The following GRM5 variants were observed in gnomAD, a reference collection of about 807,000 sequenced individuals.
GRM5 encodes the protein glutamate metabotropic receptor 5, also known as metabotropic glutamate receptor 5.
In GRM5, 19 loss-of-function variants were observed where a neutral mutation model predicts 83.1. The ratio of observed to expected loss-of-function variants is 0.23; its 90% CI spans 0.16 to 0.34. The LOEUF is 0.34. GRM5 is among the 10% of genes least tolerant of loss of function. GRM5 has a pLI of 1.00. For missense variants in GRM5, 1,160 were observed against 1,588.3 expected (o/e 0.73, Z 4.58); for synonymous variants, 675 against 633.6 (o/e 1.07, Z -0.98).
intron 3 of GRM5, among the ~76,000 whole-genome samples, chr11:88,734,384 T>G (rs1941868017): frequency 6.6e-6 from 1 of 151,996 alleles, no homozygotes; most frequent in Admixed American, 6.6e-5. Flanking sequence ...TTGGGAGGAA[T>G]GTAAAATGGT....
chr11:88,880,456 G>A (rs1440316360), intron 2 of GRM5, among the ~76,000 whole-genome samples: 1 of 151,958 alleles, frequency 6.6e-6, no homozygotes, highest in Non-Finnish European at 1.5e-5. Flanking sequence ...CCCCAAATTG[G>A]CATAGTTCTA....
At position 88,845,198 on chromosome 11, in the gene GRM5, T is replaced by C. The variant is rs557920156; in HGVS notation, c.911+4708A>G. Among the ~76,000 whole-genome samples, 171 of 152,174 alleles carry C rather than the reference T, an allele frequency of 1.1e-3. 1 individual carries two copies. Among genetic ancestry groups the C allele is most frequent in the African/African-American group, 3.8e-3 (158 of 41,524 alleles). The stretch of plus-strand genomic sequence containing the variant: ...TTCATTGTTGTCTTATTTTAAGAAA[T>C]TGCCACAGCCACTGCCACCTTCAGC... On this transcript the variant is annotated intron_variant, in intron 3 of 9. Coordinates refer to ENST00000305447, the MANE Select transcript of GRM5 (RefSeq NM_001143831.3).
chr11:88,808,917 T>C (rs1943542179), intron 3 of GRM5, among the ~76,000 whole-genome samples: 1 of 152,040 alleles, frequency 6.6e-6, no homozygotes, highest in Non-Finnish European at 1.5e-5. Context: ...AAATAATTGT[T>C]TGGCATTTAT....
At chr11:88,987,502 C>T (rs1208815232) in intron 2 of GRM5, among the ~76,000 whole-genome samples, 1 of 151,900 alleles carries the variant, frequency 6.6e-6, no homozygotes, top group Admixed American at 6.6e-5. Flanking sequence ...CTGGGTGGAG[C>T]CCACCACAGC....
intron 2 of GRM5, among the ~76,000 whole-genome samples, chr11:89,022,259 A>C (rs1421636181): frequency 6.6e-6 from 1 of 152,186 alleles, no homozygotes; most frequent in Admixed American, 6.5e-5. Context: ...CTATTTTGAT[A>C]TTATAGAACT....
intron 2 of GRM5, among the ~76,000 whole-genome samples, chr11:88,941,556 G>C (rs1242614870): frequency 1.1e-5 from 1 of 91,226 alleles, no homozygotes. Context: ...AGAGGAGGAG[G>C]AGGAGAGGAG....
At chr11:89,054,969 A>G (rs1201049979) in intron 1 of GRM5, among the ~76,000 whole-genome samples, 1 of 152,180 alleles carries the variant, frequency 6.6e-6, no homozygotes, top group Non-Finnish European at 1.5e-5. Context: ...AATCATTAGT[A>G]TTTTTAATTT....
At chr11:88,759,923 C>T (rs1177139068) in intron 3 of GRM5, among the ~76,000 whole-genome samples, 5 of 152,066 alleles carry the variant, frequency 3.3e-5, no homozygotes, top group African/African-American at 1.2e-4. Context: ...CTAAGAAATG[C>T]ACTCAAAACC....
intron 3 of GRM5, among the ~76,000 whole-genome samples, chr11:88,831,159 C>T (rs547290265): frequency 4.3e-4 from 65 of 152,192 alleles, no homozygotes; most frequent in Non-Finnish European, 8.1e-4. Context: ...CCAGTCACCA[C>T]CAGTCTGTAT....
At chr11:88,527,099 A>G (rs549270994) in intron 8 of GRM5, among the ~76,000 whole-genome samples, 41 of 152,306 alleles carry the variant, frequency 2.7e-4, no homozygotes, top group African/African-American at 9.9e-4. Context: ...CCAATGGCCA[A>G]ATGATGCTCA....
intron 2 of GRM5, among the ~76,000 whole-genome samples, chr11:88,987,156 C>T (rs370563037): frequency 3.2e-4 from 48 of 152,108 alleles, no homozygotes; most frequent in African/African-American, 1.1e-3. Context: ...GTGCGCGCAC[C>T]GTGCACAAGC....
intron 8 of GRM5, among the ~76,000 whole-genome samples, chr11:88,526,927 A>C (rs1941892398): frequency 1.3e-5 from 2 of 152,180 alleles, no homozygotes; most frequent in Non-Finnish European, 2.9e-5. Context: ...TTTACCTAAC[A>C]GTAGGAGAAG....
chr11:89,006,923 G>A (rs1305487271), intron 2 of GRM5, among the ~76,000 whole-genome samples: 2 of 152,076 alleles, frequency 1.3e-5, no homozygotes, highest in Admixed American at 1.3e-4. Context: ...CAAGCCTCCT[G>A]AGTAGCTGGG....
At chr11:88,523,148 A>G (rs140318390) in intron 9 of GRM5, among the ~76,000 whole-genome samples, 3 of 152,334 alleles carry the variant, frequency 2.0e-5, no homozygotes, top group Non-Finnish European at 2.9e-5. Flanking sequence ...AATGCTTGCC[A>G]CAAACAGCTC....
At chr11:88,609,696 T>C (rs1435287938) in intron 4 of GRM5, among the ~76,000 whole-genome samples, 1 of 152,230 alleles carries the variant, frequency 6.6e-6, no homozygotes. Flanking sequence ...CTGTTTACTC[T>C]GCTGATAGTT....
intron 2 of GRM5, among the ~76,000 whole-genome samples, chr11:89,036,033 T>G (rs1249812065): frequency 6.6e-6 from 1 of 152,066 alleles, no homozygotes; most frequent in Non-Finnish European, 1.5e-5. Context: ...ACTATAAAAT[T>G]TGCTTATGCT....
chr11:88,879,213 T>C (rs117543918), intron 2 of GRM5, among the ~76,000 whole-genome samples: 9 of 151,846 alleles, frequency 5.9e-5, no homozygotes, highest in African/African-American at 1.9e-4. Flanking sequence ...TGAGTGCAAA[T>C]TGAATAGATT....
intron 3 of GRM5, among the ~76,000 whole-genome samples, chr11:88,681,692 T>C (rs1450739244): frequency 6.7e-6 from 1 of 148,562 alleles, no homozygotes; most frequent in Non-Finnish European, 1.5e-5. Flanking sequence ...TACCTCAGCC[T>C]CCCAAGTAGC....
In GRM5 at chr11:89,044,633, A is replaced by G. The variant is rs146408497; in HGVS notation, c.661+2579T>C. Among the ~76,000 whole-genome samples, 79 of 152,310 alleles carry G rather than the reference A, an allele frequency of 5.2e-4. No homozygotes were observed. The East Asian group carries it at 0.015, about 28-fold the overall frequency. On this transcript the variant is annotated intron_variant, in intron 2 of 9. Transcript: ENST00000305447. Reference sequence around the variant, plus strand: ...AGACCTTAATGGTTCATGTGAAAGCATTTGGAAATTTCCATACTCTTCAAG... The same window carrying G: ...AGACCTTAATGGTTCATGTGAAAGCGTTTGGAAATTTCCATACTCTTCAAG...
Sources: allele counts gnomAD v4.1 joint callset (sites outside exome capture counted in the v4.1 genomes callset), GRCh38; gene constraint gnomAD v4.1.1; transcripts MANE v1.5; gene names NCBI Gene and HGNC (gene_info 2026-07-23, HGNC 2026-07-21).